Variants in GATAD1 observed in about 807,000 individuals in gnomAD.
GATAD1 encodes the protein GATA zinc finger domain containing 1.
GATAD1 carries 12 observed loss-of-function variants against 26.5 expected under a neutral mutation model. That is an observed-to-expected ratio of 0.45 (90% CI 0.29 to 0.73). The LOEUF (loss-of-function observed/expected upper bound fraction) is 0.73, where lower values mean the gene tolerates loss of function less well. GATAD1 is among the 30% of genes least tolerant of loss of function. GATAD1 has a pLI of 0.10. For missense variants in GATAD1, 266 were observed against 342.1 expected (o/e 0.78, Z 1.75); for synonymous variants, 129 against 133.1 (o/e 0.97, Z 0.21).
downstream of GATAD1, among the ~76,000 whole-genome samples, chr7:92,461,835 T>A (rs965278199): frequency 1.3e-5 from 2 of 152,098 alleles, no homozygotes; most frequent in Non-Finnish European, 2.9e-5. Flanking sequence ...GCCACCATCT[T>A]TTCTATAACC....
downstream of GATAD1, among the ~76,000 whole-genome samples, chr7:92,462,734 G>A (rs115003268): frequency 0.011 from 1,621 of 152,268 alleles, 33 homozygotes; most frequent in African/African-American, 0.038. Flanking sequence ...GGTGGAGCCC[G>A]CATAGTGGAA....
chr7:92,481,149 T>C, the GATAD1 span, among the ~76,000 whole-genome samples: 1 of 152,066 alleles, frequency 6.6e-6, no homozygotes, highest in South Asian at 2.1e-4. Flanking sequence ...CTGGTGGAAC[T>C]GCCGTCAGTA....
At chr7:92,491,204 C>G in the GATAD1 span, 2 of 1,087,390 alleles carry the variant, frequency 1.8e-6, no homozygotes, top group Non-Finnish European at 2.8e-6. Context: ...GGAGAGAAAT[C>G]ACTGCAACTT....
downstream of GATAD1, among the ~76,000 whole-genome samples, chr7:92,463,880 A>G (rs1790012731): frequency 6.6e-6 from 1 of 151,444 alleles, no homozygotes; most frequent in Non-Finnish European, 1.5e-5. Context: ...AGGCCTAGGA[A>G]TTGCTTGAAC....
intron 3 of GATAD1, 191 bp from the exon 4 acceptor site, chr7:92,454,311 G>GCATA: frequency 1.7e-6 from 1 of 577,704 alleles, no homozygotes; most frequent in Non-Finnish European, 3.0e-6. Flanking sequence ...CCTCGTATGT[G>GCATA]TATGTATAAT....
intron 4 of GATAD1, among the ~76,000 whole-genome samples, chr7:92,455,205 A>T: frequency 6.6e-6 from 1 of 152,206 alleles, no homozygotes; most frequent in East Asian, 1.9e-4. Context: ...GAGGCATTTT[A>T]TGTAGCTGGA....
At chr7:92,478,483 G>T in the GATAD1 span, among the ~76,000 whole-genome samples, 3 of 152,160 alleles carry the variant, frequency 2.0e-5, no homozygotes, top group African/African-American at 7.2e-5. Flanking sequence ...GGGATAAGTG[G>T]CTCGTGGGGT....
the GATAD1 span, among the ~76,000 whole-genome samples, chr7:92,477,222 G>T: frequency 2.6e-5 from 4 of 152,132 alleles, no homozygotes; most frequent in African/African-American, 9.7e-5. Context: ...AGGGTTGGGG[G>T]TTGTTAGAAA....
chr7:92,471,085 C>T, the GATAD1 span: 4 of 166,718 alleles, frequency 2.4e-5, no homozygotes, highest in East Asian at 3.8e-4. Flanking sequence ...CGGGGAAGTC[C>T]GAATCTGGGA....
chr7:92,489,366 A>G, the GATAD1 span: 2 of 1,612,376 alleles, frequency 1.2e-6, no homozygotes, highest in Non-Finnish European at 1.7e-6. Flanking sequence ...ATTAAATGTG[A>G]CTGACTAATA....
downstream of GATAD1, among the ~76,000 whole-genome samples, chr7:92,461,576 A>G (rs1378701755): frequency 6.6e-6 from 1 of 152,264 alleles, no homozygotes; most frequent in Non-Finnish European, 1.5e-5. Flanking sequence ...TTTTGCTATG[A>G]ATATGTAGTG....
At chr7:92,485,546 ATCT>A in the GATAD1 span, among the ~76,000 whole-genome samples, 39 of 152,350 alleles carry the variant, frequency 2.6e-4, no homozygotes, top group Non-Finnish European at 4.9e-4. Flanking sequence ...CTTGCCATGA[ATCT>A]TCTTTTCTCC....
chr7:92,485,825 A>G, the GATAD1 span, among the ~76,000 whole-genome samples: 2 of 152,244 alleles, frequency 1.3e-5, no homozygotes, highest in Admixed American at 1.3e-4. Context: ...TGATTCACAG[A>G]TAGTGGCTAA....
intron 1 of GATAD1, 92 bp downstream of exon 1, chr7:92,448,070 C>T (rs534450497): frequency 5.1e-6 from 5 of 982,550 alleles, no homozygotes; most frequent in Non-Finnish European, 6.5e-6. Context: ...GCGCGGGCTT[C>T]CCCGATCGCC....
At chr7:92,449,213 G>C (rs1789311175) in intron 2 of GATAD1, 1 of 942,462 alleles carries the variant, frequency 1.1e-6, no homozygotes, top group African/African-American at 1.8e-5. Flanking sequence ...GATATGGCCA[G>C]GTACACTAAG....
chr7:92,486,979 T>C, the GATAD1 span: 6 of 152,610 alleles, frequency 3.9e-5, no homozygotes, highest in African/African-American at 1.4e-4. Context: ...ATTTGAATTA[T>C]GTGTAAATTT....
the GATAD1 span, among the ~76,000 whole-genome samples, chr7:92,495,061 T>C: frequency 6.6e-6 from 1 of 152,054 alleles, no homozygotes; most frequent in Non-Finnish European, 1.5e-5. Flanking sequence ...CACCCTTCCT[T>C]CTTTTGTGAA....
At chr7:92,473,318 G>T in the GATAD1 span, 1 of 152,158 alleles carries the variant, frequency 6.6e-6, no homozygotes, top group South Asian at 2.1e-4. Context: ...TACTGCAGGG[G>T]TTACTGCATG....
chr7:92,448,730 C>T (rs1455546801), intron 1 of GATAD1, 22 bp from the exon 2 acceptor site: 3 of 1,600,626 alleles, frequency 1.9e-6, no homozygotes, highest in Admixed American at 1.7e-5. Context: ...TCTTTTTGTT[C>T]TTTAATTTGT....
Sources: gnomAD v4.1 joint callset for allele counts (sites outside exome capture counted in the v4.1 genomes callset) on GRCh38, gnomAD v4.1.1 for gene constraint, MANE v1.5 for transcripts, NCBI Gene and HGNC (gene_info 2026-07-23, HGNC 2026-07-21) for gene names.